Variants in MYO9A observed in about 807,000 individuals in gnomAD.
MYO9A encodes the protein unconventional myosin-IXa.
In MYO9A, 103 loss-of-function variants were observed where a neutral mutation model predicts 293.3. The observed-to-expected ratio is 0.35, with a 90% CI of 0.30 to 0.41. MYO9A has a LOEUF of 0.41. Among genes scored for constraint, MYO9A ranks in the 10% least tolerant of loss-of-function variants. The pLI is 1.00. For missense variants in MYO9A, 2,685 were observed against 3,033.0 expected, an observed-to-expected ratio of 0.89 and a Z score of 2.69; for synonymous variants, 1,001 against 1,035.7, an observed-to-expected ratio of 0.97 and a Z score of 0.64.
At chr15:72,003,024 C>T (rs1226036285) in intron 8 of MYO9A, among the ~76,000 whole-genome samples, 1 of 152,104 alleles carries the variant, frequency 6.6e-6, no homozygotes, top group Non-Finnish European at 1.5e-5. Flanking sequence ...AATCCCAGCA[C>T]TTTGGGAGAC....
At chr15:72,022,460 G>A (rs1234822071) in intron 4 of MYO9A, among the ~76,000 whole-genome samples, 4 of 151,860 alleles carry the variant, frequency 2.6e-5, no homozygotes, top group Non-Finnish European at 5.9e-5. Flanking sequence ...GGCGGAGGTT[G>A]CAGTGAGCCG....
chr15:71,975,303 CGTGTGTGT>C (rs3028361), intron 12 of MYO9A, among the ~76,000 whole-genome samples: 38 of 143,680 alleles, frequency 2.6e-4, no homozygotes, highest in Non-Finnish European at 3.8e-4. Flanking sequence ...ATGATTTTAT[CGTGTGTGT>C]GTGTGTGTGT....
chr15:72,104,106 T>C (rs1242568722), intron 1 of MYO9A, among the ~76,000 whole-genome samples: 1 of 152,194 alleles, frequency 6.6e-6, no homozygotes, highest in African/African-American at 2.4e-5. Flanking sequence ...ATTTTTATCT[T>C]TTCCCAGGCT....
intron 1 of MYO9A, among the ~76,000 whole-genome samples, chr15:72,068,845 A>C (rs1198301615): frequency 6.6e-6 from 1 of 152,186 alleles, no homozygotes; most frequent in Non-Finnish European, 1.5e-5. Context: ...ATTAATGATA[A>C]TGAATAACTG....
chr15:71,956,332 TATATATA>T (rs2059189570), intron 14 of MYO9A, among the ~76,000 whole-genome samples: 1 of 77,434 alleles, frequency 1.3e-5, no homozygotes, highest in Non-Finnish European at 2.4e-5. Context: ...AAAAAAAAAA[TATATATA>T]TATATATATA....
At chr15:71,861,817 C>G (rs571120154) in intron 33 of MYO9A, among the ~76,000 whole-genome samples, 24 of 151,886 alleles carry the variant, frequency 1.6e-4, no homozygotes, top group Admixed American at 3.9e-4. Flanking sequence ...ACTATTAAGT[C>G]TAAGTGAAAG....
At position 72,104,225 on chromosome 15, in the gene MYO9A, T is replaced by C. The variant is rs146078666; in HGVS notation, c.-72+13455A>G. Among the ~76,000 whole-genome samples, 42 of 152,324 alleles carry C rather than the reference T, an allele frequency of 2.8e-4. No homozygotes were observed. In the Middle Eastern group the frequency reaches 0.01, roughly 37 times the overall value. The stretch of plus-strand genomic sequence containing the variant: ...CAATAGTATATACTGTGTTGCCAGA[T>C]GATTCTGTCCAACTGTAGGCTAATG... On this transcript the variant is annotated intron_variant, in intron 1 of 41. Transcript: ENST00000356056.
At chr15:72,063,639 C>T (rs779739724) in intron 1 of MYO9A, among the ~76,000 whole-genome samples, 37 of 152,024 alleles carry the variant, frequency 2.4e-4, no homozygotes, top group Non-Finnish European at 3.8e-4. Flanking sequence ...AGCTTTTATC[C>T]AAGACAGACA....
chr15:72,029,173 GA>G (rs779959800), intron 3 of MYO9A, among the ~76,000 whole-genome samples: 7 of 152,196 alleles, frequency 4.6e-5, no homozygotes, highest in Non-Finnish European at 1.0e-4. Context: ...AAATCTGAAG[GA>G]TTAACCAGAA....
rs377019409 is a variant in MYO9A at position 71,851,279 on chromosome 15, C to G, written c.6555G>C (p.Leu2185=). The G allele has an allele frequency of 2.5e-5, 41 of 1,613,768 alleles. No individual in the cohort carries two copies. Among genetic ancestry groups the G allele is most frequent in the Non-Finnish European group, 3.3e-5 (39 of 1,179,822 alleles). The stretch of plus-strand genomic sequence containing the variant: ...TGACTAGATGAAAGATGAGGCGTTC[C>G]AGTGTATTGAGATGAGTTCGGGAGA... ...DQLSRTHLNT[L]ERLIFHLVRI... Residue 2185 remains leucine (L), a synonymous_variant, in exon 37 of 42, where the codon CTG becomes CTC. Transcript: ENST00000356056.
intron 39 of MYO9A, among the ~76,000 whole-genome samples, chr15:71,835,311 A>G (rs2054895471): frequency 6.6e-6 from 1 of 152,180 alleles, no homozygotes; most frequent in Non-Finnish European, 1.5e-5. Context: ...TAAGAAAAAG[A>G]AAGAAAAGGT....
At chr15:72,051,135 G>T (rs1414117706) in intron 1 of MYO9A, among the ~76,000 whole-genome samples, 1 of 152,126 alleles carries the variant, frequency 6.6e-6, no homozygotes, top group East Asian at 1.9e-4. Flanking sequence ...CACAATCATG[G>T]CTCACTGCAG....
intron 38 of MYO9A, 25 bp from the exon 39 acceptor site, chr15:71,848,993 A>C (rs1249671318): frequency 6.4e-7 from 1 of 1,567,628 alleles, no homozygotes; most frequent in Non-Finnish European, 8.6e-7. Context: ...AAGAGAAAAA[A>C]ACTGTTAAGA....
rs1444158521 is a variant in MYO9A at position 71,859,220 on chromosome 15, C to T, written c.6153+515G>A. Among the ~76,000 whole-genome samples the T allele has an allele frequency of 2.6e-5, 4 of 152,104 alleles. No individual in the cohort carries two copies. The East Asian group carries it at 7.7e-4, about 29-fold the overall frequency. ...ATAAGAAAATGTTGTGATCATACAT[C>T]GATAAAAGCCTGAATTTTTTAAAAA... On this transcript the variant is annotated intron_variant, in intron 34 of 41. Coordinates refer to ENST00000356056, the MANE Select transcript of MYO9A (RefSeq NM_006901.4).
chr15:71,840,062 G>A (rs1345659149), intron 39 of MYO9A, among the ~76,000 whole-genome samples: 6 of 152,090 alleles, frequency 3.9e-5, no homozygotes, highest in African/African-American at 7.2e-5. Context: ...ATCACCTCTG[G>A]CAAAAATTAA....
chr15:71,852,457 G>A (rs1322971775), intron 35 of MYO9A, 197 bp from the exon 36 acceptor site: 4 of 343,566 alleles, frequency 1.2e-5, no homozygotes, highest in Admixed American at 4.6e-5. Flanking sequence ...TCTGCCTCCC[G>A]AGTTCAAGTG....
At chr15:72,046,692 C>G (rs2078394488) in intron 1 of MYO9A, 58 bp from the exon 2 acceptor site, 1 of 1,173,166 alleles carries the variant, frequency 8.5e-7, no homozygotes, top group Non-Finnish European at 1.2e-6. Context: ...TTCTGATGCT[C>G]AAGAAAGAAA....
At chr15:72,039,118 C>T (rs958213728) in intron 2 of MYO9A, among the ~76,000 whole-genome samples, 9 of 151,916 alleles carry the variant, frequency 5.9e-5, no homozygotes, top group East Asian at 5.8e-4. Context: ...CAAAATATTT[C>T]GAATTATTTA....
chr15:72,045,618 C>G, intron 2 of MYO9A, 106 bp downstream of exon 2: 1 of 1,265,400 alleles, frequency 7.9e-7, no homozygotes, highest in Non-Finnish European at 1.1e-6. Context: ...TTGATCTACT[C>G]CACACATCGA....
Sources: allele counts gnomAD v4.1 joint callset (sites outside exome capture counted in the v4.1 genomes callset), GRCh38; gene constraint gnomAD v4.1.1; transcripts MANE v1.5; gene names NCBI Gene and HGNC (gene_info 2026-07-23, HGNC 2026-07-21).